ADAMTS20: variants seen among roughly 807,000 people sequenced by gnomAD.
The protein encoded by ADAMTS20 is A disintegrin and metalloproteinase with thrombospondin motifs 20.
In ADAMTS20, 225 loss-of-function variants were observed where a neutral mutation model predicts 260.1. The ratio of observed to expected loss-of-function variants is 0.87; its 90% CI spans 0.78 to 0.97. ADAMTS20 has a LOEUF of 0.97. ADAMTS20 is among the 50% of genes least tolerant of loss of function. The pLI is 0.00. For synonymous variants in ADAMTS20, 802 were observed against 769.5 expected (o/e 1.04, Z -0.70); for missense variants, 2,400 against 2,337.7 (o/e 1.03, Z -0.55).
chr12:43,524,800 C>T (rs956547859), intron 3 of ADAMTS20, among the ~76,000 whole-genome samples: 1 of 152,208 alleles, frequency 6.6e-6, no homozygotes, highest in East Asian at 1.9e-4. Context: ...TTAATCTAAT[C>T]AGACAAAAAT....
At position 43,439,923 on chromosome 12, in the gene ADAMTS20, G is replaced by A; in HGVS notation, c.2437C>T (p.Arg813Ter). The change falls in exon 17 of 39, where the codon CGA becomes TGA. Residue 813 changes from arginine to a stop codon, truncating the protein, a stop_gained. Coordinates refer to ENST00000389420, the MANE Select transcript of ADAMTS20 (RefSeq NM_025003.5). LOFTEE classifies it high-confidence loss of function. The stretch of plus-strand genomic sequence containing the variant: ...TGCAAAATAAGTTCTTTCTCTTGTC[G>A]ATTAGTACTATTAATTCTTTCAACT... ...NAVERINSTN[R>*]QEKELILQVL... The A allele has an allele frequency of 6.2e-7, 1 of 1,606,586 alleles. No homozygotes were observed. Among genetic ancestry groups the A allele is most frequent in the South Asian group, 1.1e-5 (1 of 90,048 alleles).
intron 35 of ADAMTS20, 101 bp from the exon 36 acceptor site, chr12:43,375,613 A>G: frequency 7.8e-7 from 1 of 1,289,772 alleles, no homozygotes; most frequent in South Asian, 1.3e-5. Context: ...CTGCTCTTTA[A>G]TATTATAGTG....
chr12:43,367,075 C>T (rs185226569), intron 37 of ADAMTS20, among the ~76,000 whole-genome samples: 158 of 151,922 alleles, frequency 1.0e-3, no homozygotes, highest in African/African-American at 3.6e-3. Flanking sequence ...ACAACTTTCA[C>T]GAAGAAAAGC....
chr12:43,551,210 A>C lies in ADAMTS20; in HGVS notation c.152T>G (p.Phe51Cys), dbSNP rs940461844. ...GTGGCTCTGAGGGAACACTTCTCCA[A>C]ACTCATTGACCCGCTCGGGGATCAC... ...EVVIPERVNEFGEVFPQSHHF... is the reference protein window; with the variant it reads ...EVVIPERVNECGEVFPQSHHF... The change falls in exon 2 of 39, where the codon TTT becomes TGT. Residue 51 changes from phenylalanine to cysteine, a missense_variant. Transcript: ENST00000389420. The surrounding 1 kb of genome is among the most constrained non-coding windows in gnomAD (Gnocchi z 4.6). The C allele has an allele frequency of 2.6e-5, 42 of 1,613,644 alleles. No individual in the cohort carries two copies. The highest frequency in any genetic ancestry group is 3.4e-5 in the Non-Finnish European group (40 of 1,179,836).
intron 7 of ADAMTS20, among the ~76,000 whole-genome samples, chr12:43,481,211 T>A (rs1468046203): frequency 1.3e-5 from 2 of 152,166 alleles, no homozygotes; most frequent in Non-Finnish European, 2.9e-5. Flanking sequence ...AGCAGTAGGA[T>A]ATAAATAACT....
intron 37 of ADAMTS20, among the ~76,000 whole-genome samples, chr12:43,368,801 A>C (rs2137198131): frequency 6.6e-6 from 1 of 152,244 alleles, no homozygotes; most frequent in Non-Finnish European, 1.5e-5. Flanking sequence ...AAATGACATA[A>C]GAGCATGTGA....
At chr12:43,430,547 C>T (rs552929306) in intron 22 of ADAMTS20, 76 bp from the exon 23 acceptor site, 19 of 1,332,776 alleles carry the variant, frequency 1.4e-5, no homozygotes, top group Non-Finnish European at 1.9e-5. Flanking sequence ...TTAATGAATA[C>T]CCTGTTAATA....
In ADAMTS20 at chr12:43,498,996, C is replaced by G. The variant is rs868865039; in HGVS notation, c.867+3156G>C. Among the ~76,000 whole-genome samples the G allele has an allele frequency of 2.6e-5, 4 of 152,274 alleles. No individual in the cohort carries two copies. The South Asian group carries it at 8.3e-4, about 32-fold the overall frequency. ...ATAGGGTCTACTAATTTTCCTATGTCCTCACTTGAACATTCTTTCAGTGAG... is the reference window on the plus strand; with the variant it reads ...ATAGGGTCTACTAATTTTCCTATGTGCTCACTTGAACATTCTTTCAGTGAG... On this transcript the variant is annotated intron_variant, in intron 4 of 38. Transcript: ENST00000389420.
intron 4 of ADAMTS20, among the ~76,000 whole-genome samples, chr12:43,494,882 AAGAC>A (rs1942654956): frequency 1.3e-5 from 2 of 152,326 alleles, no homozygotes; most frequent in Admixed American, 6.5e-5. Context: ...TACAAGGTAA[AAGAC>A]AAACCTCAAA....
Position 43,363,052 on chromosome 12 carries a change from T to C in ADAMTS20, c.5538+6238A>G, listed in dbSNP as rs1939908028. The stretch of plus-strand genomic sequence containing the variant: ...CTACCAAGAAAAAAAAAAGAATATC[T>C]ATTAAATCTAGGTAAGAACAGTGAG... On this transcript the variant is annotated intron_variant, in intron 37 of 38. Transcript: ENST00000389420. Among the ~76,000 whole-genome samples, 4 of 152,038 alleles carry C rather than the reference T, an allele frequency of 2.6e-5. No individual in the cohort carries two copies. The South Asian group carries it at 8.3e-4, about 31-fold the overall frequency.
intron 3 of ADAMTS20, among the ~76,000 whole-genome samples, chr12:43,520,593 G>A (rs1210818240): frequency 1.3e-5 from 2 of 152,172 alleles, no homozygotes; most frequent in Non-Finnish European, 2.9e-5. Context: ...AAAGATTAAT[G>A]CTTTTAGCAA....
At chr12:43,490,332 C>T (rs1565569997) in intron 7 of ADAMTS20, 63 bp downstream of exon 7, 6 of 842,988 alleles carry the variant, frequency 7.1e-6, no homozygotes, top group East Asian at 3.4e-5. Context: ...ATAGCCTAAA[C>T]ATTATTGTAA....
intron 28 of ADAMTS20, among the ~76,000 whole-genome samples, chr12:43,409,239 T>G (rs963777795): frequency 6.6e-6 from 1 of 151,926 alleles, no homozygotes; most frequent in Non-Finnish European, 1.5e-5. Context: ...ATTCAATATA[T>G]AGTTTAAATA....
intron 29 of ADAMTS20, among the ~76,000 whole-genome samples, chr12:43,396,491 T>G: frequency 6.6e-6 from 1 of 152,172 alleles, no homozygotes; most frequent in East Asian, 1.9e-4. Context: ...AATTGTTAAC[T>G]TCGTGTGGGT....
At chr12:43,495,584 T>C (rs1347586884) in intron 4 of ADAMTS20, among the ~76,000 whole-genome samples, 2 of 152,182 alleles carry the variant, frequency 1.3e-5, no homozygotes, top group African/African-American at 2.4e-5. Context: ...TATGTCTAAA[T>C]TGGAAGCAAA....
intron 11 of ADAMTS20, among the ~76,000 whole-genome samples, chr12:43,460,392 A>T (rs1310948643): frequency 6.6e-6 from 1 of 152,230 alleles, no homozygotes; most frequent in African/African-American, 2.4e-5. Context: ...ATGAGATTCC[A>T]TTTTATACCT....
At chr12:43,430,680 A>T (rs1032143038) in intron 22 of ADAMTS20, among the ~76,000 whole-genome samples, 1 of 152,170 alleles carries the variant, frequency 6.6e-6, no homozygotes, top group African/African-American at 2.4e-5. Context: ...AGTTAACCAA[A>T]CTGTACAACA....
chr12:43,394,808 C>T (rs1161714859), intron 29 of ADAMTS20, among the ~76,000 whole-genome samples: 1 of 152,088 alleles, frequency 6.6e-6, no homozygotes, highest in African/African-American at 2.4e-5. Context: ...CTGCCCCCAA[C>T]ATTTCCTGCA....
chr12:43,539,884 AG>A (rs1404220359), intron 2 of ADAMTS20, among the ~76,000 whole-genome samples: 1 of 129,302 alleles, frequency 7.7e-6, no homozygotes, highest in African/African-American at 2.6e-5. Flanking sequence ...TATTAACCAT[AG>A]ATTTTTTTTT....
Sources: allele counts gnomAD v4.1 joint callset (sites outside exome capture counted in the v4.1 genomes callset), GRCh38; gene constraint gnomAD v4.1.1; non-coding constraint Gnocchi (gnomAD v3.1); transcripts MANE v1.5; gene names NCBI Gene and HGNC (gene_info 2026-07-23, HGNC 2026-07-21).